SRPK2: variants seen among roughly 807,000 people sequenced by gnomAD.
SRPK2 encodes SFRS protein kinase 2.
Under a neutral mutation model 90.8 loss-of-function variants are expected in SRPK2, and 21 were observed. That is an observed-to-expected ratio of 0.23 (90% CI 0.16 to 0.33). The LOEUF (loss-of-function observed/expected upper bound fraction) is 0.33. SRPK2 is among the 10% of genes least tolerant of loss of function. The pLI is 1.00. For synonymous variants in SRPK2, 288 were observed against 311.1 expected (o/e 0.93, Z 0.78); for missense variants, 620 against 869.0 (o/e 0.71, Z 3.60).
At chr7:105,123,863 C>G (rs775428990) in intron 15 of SRPK2, among the ~76,000 whole-genome samples, 5 of 152,086 alleles carry the variant, frequency 3.3e-5, no homozygotes, top group African/African-American at 4.8e-5. Flanking sequence ...TATCCAAAAA[C>G]AGGAAAAAAG....
At chr7:105,125,944 C>T in intron 15 of SRPK2, 1 of 791,944 alleles carries the variant, frequency 1.3e-6, no homozygotes, top group Non-Finnish European at 1.9e-6. Flanking sequence ...CATGCAGACA[C>T]TACCACCGCC....
At chr7:105,246,788 T>G (rs1801724480) in intron 2 of SRPK2, among the ~76,000 whole-genome samples, 1 of 152,222 alleles carries the variant, frequency 6.6e-6, no homozygotes, top group Non-Finnish European at 1.5e-5. Flanking sequence ...ACTATAAATT[T>G]TAACAATTTC....
At chr7:105,210,268 C>T (rs1445107756) in intron 2 of SRPK2, among the ~76,000 whole-genome samples, 2 of 152,130 alleles carry the variant, frequency 1.3e-5, no homozygotes, top group South Asian at 2.1e-4. Flanking sequence ...AGAAAAGGAG[C>T]TCCAGATGAA....
At chr7:105,245,034 AACACACACACACACACACAC>A (rs58717493) in intron 2 of SRPK2, 44 of 524,246 alleles carry the variant, frequency 8.4e-5, no homozygotes, top group South Asian at 5.8e-4. Flanking sequence ...AAACAAAACA[AACACACACACACACACACAC>A]ACACACACAC....
chr7:105,361,054 T>A (rs1585884268), intron 2 of SRPK2, among the ~76,000 whole-genome samples: 2 of 152,208 alleles, frequency 1.3e-5, no homozygotes, highest in Admixed American at 1.3e-4. Context: ...TGTTTGCAGA[T>A]GACATGATTG....
intron 7 of SRPK2, among the ~76,000 whole-genome samples, chr7:105,147,813 T>C (rs950700351): frequency 3.3e-5 from 5 of 152,224 alleles, no homozygotes; most frequent in African/African-American, 1.2e-4. Context: ...TTTTCAAGTT[T>C]GACTCTTGTG....
chr7:105,350,732 G>C (rs1817073505), intron 2 of SRPK2, among the ~76,000 whole-genome samples: 1 of 150,944 alleles, frequency 6.6e-6, no homozygotes, highest in Non-Finnish European at 1.5e-5. Context: ...ATATTGGCCA[G>C]GCTGGTCTCC....
chr7:105,336,933 C>T (rs1296001559), intron 2 of SRPK2, among the ~76,000 whole-genome samples: 1 of 152,042 alleles, frequency 6.6e-6, no homozygotes, highest in Non-Finnish European at 1.5e-5. Context: ...TCCCAAGTAG[C>T]TGGGATTACA....
intron 11 of SRPK2, among the ~76,000 whole-genome samples, chr7:105,136,738 C>T (rs1188942295): frequency 7.2e-5 from 11 of 152,258 alleles, no homozygotes; most frequent in East Asian, 3.9e-4. Context: ...CTTACAAGGA[C>T]GACAAGAATA....
Position 105,277,996 on chromosome 7 carries a change from A to G in SRPK2, c.72-74211T>C, listed in dbSNP as rs1019448970. ...AATGAAGAGAAAAATCAACAAGGAC[A>G]ATAACATGCTAAGTGGCTCAAGAAT... On this transcript the variant is annotated intron_variant, in intron 2 of 15. Coordinates refer to ENST00000393651, the MANE Select transcript of SRPK2 (RefSeq NM_182692.3). 3.2e-4 allele frequency among the ~76,000 whole-genome samples: 48 copies of G among 152,346 alleles called. 1 individual carries two copies. Among genetic ancestry groups the G allele is most frequent in the African/African-American group, 1.1e-3 (44 of 41,584 alleles).
At chr7:105,289,495 G>A (rs927290100) in intron 2 of SRPK2, among the ~76,000 whole-genome samples, 3 of 152,144 alleles carry the variant, frequency 2.0e-5, no homozygotes, top group Admixed American at 6.5e-5. Flanking sequence ...TATTAAGTGT[G>A]CGGCAGCACT....
At chr7:105,299,101 G>A (rs1174963689) in intron 2 of SRPK2, among the ~76,000 whole-genome samples, 1 of 152,156 alleles carries the variant, frequency 6.6e-6, no homozygotes, top group African/African-American at 2.4e-5. Context: ...TGCCCAGTGG[G>A]CACTCTTCCT....
chr7:105,255,143 A>G (rs866433634), intron 2 of SRPK2, among the ~76,000 whole-genome samples: 1 of 73,852 alleles, frequency 1.4e-5, no homozygotes, highest in Non-Finnish European at 4.1e-5. Context: ...TGTAGAAAAA[A>G]AGTTATGCTA....
intron 2 of SRPK2, among the ~76,000 whole-genome samples, chr7:105,207,631 C>A (rs1796373225): frequency 6.6e-6 from 1 of 151,968 alleles, no homozygotes; most frequent in Non-Finnish European, 1.5e-5. Flanking sequence ...TACTCATATG[C>A]AAAATAAATA....
intron 2 of SRPK2, among the ~76,000 whole-genome samples, chr7:105,305,733 A>C (rs1811075905): frequency 6.6e-6 from 1 of 152,166 alleles, no homozygotes; most frequent in African/African-American, 2.4e-5. Flanking sequence ...AGGAGGGGGA[A>C]AAAAAGCAGT....
intron 3 of SRPK2, chr7:105,189,891 T>C (rs1267749268): frequency 6.6e-6 from 1 of 152,396 alleles, no homozygotes; most frequent in East Asian, 1.9e-4. Context: ...CAGGGACCAG[T>C]GGGTGAGGCC....
intron 2 of SRPK2, among the ~76,000 whole-genome samples, chr7:105,227,162 T>C (rs1585251143): frequency 6.6e-6 from 1 of 151,966 alleles, no homozygotes; most frequent in African/African-American, 2.4e-5. Context: ...AACTCAGTAA[T>C]AAAAAAAGAC....
At position 105,176,709 on chromosome 7, in the gene SRPK2, ATGTGTGTG is replaced by A. The variant is rs34930111; in HGVS notation, c.230-7452_230-7445del. Among the ~76,000 whole-genome samples, 33 of 127,526 alleles carry A rather than the reference ATGTGTGTG, an allele frequency of 2.6e-4. 1 individual carries two copies. The highest frequency in any genetic ancestry group is 8.5e-4 in the African/African-American group (30 of 35,102). 83.7% of individuals were successfully genotyped at this position (127,526 alleles called of 152,430 possible). A position where few individuals can be genotyped will look rare whatever the true frequency, so the allele number is the denominator to read the frequency against. On this transcript the variant is annotated intron_variant, in intron 3 of 15. Transcript: ENST00000393651. ...TGTGTGTACATATATATGTATGTGT[ATGTGTGTG>A]TGTGTGTGTATGTATGTATGTATGT...
chr7:105,367,711 T>A (rs1262070935), intron 2 of SRPK2, among the ~76,000 whole-genome samples: 1 of 152,200 alleles, frequency 6.6e-6, no homozygotes, highest in Non-Finnish European at 1.5e-5. Context: ...ATGTTTGCAC[T>A]TCTCTTGACT....
Sources: gnomAD v4.1 joint callset for allele counts (sites outside exome capture counted in the v4.1 genomes callset) on GRCh38, gnomAD v4.1.1 for gene constraint, MANE v1.5 for transcripts, NCBI Gene and HGNC (gene_info 2026-07-23, HGNC 2026-07-21) for gene names.